TMEM150C: variants seen among roughly 807,000 people sequenced by gnomAD.
TMEM150C encodes the protein tentonin 3.
In TMEM150C, 10 loss-of-function variants were observed where a neutral mutation model predicts 29.9. That is an observed-to-expected ratio of 0.33 (90% CI 0.21 to 0.57). TMEM150C has a LOEUF of 0.57. TMEM150C is among the 20% of genes least tolerant of loss of function. The probability of loss-of-function intolerance (pLI) is 0.88; values close to 1 mark genes in which losing one functional copy is unlikely to be tolerated. For missense variants in TMEM150C, 251 were observed against 303.6 expected (o/e 0.83, Z 1.29); for synonymous variants, 101 against 112.5 (o/e 0.90, Z 0.64).
At chr4:82,524,941 CA>C (rs2110080208) in intron 1 of TMEM150C, among the ~76,000 whole-genome samples, 1 of 152,272 alleles carries the variant, frequency 6.6e-6, no homozygotes, top group East Asian at 1.9e-4. Flanking sequence ...GGTGTGATTA[CA>C]AACTAAATGA....
At position 82,561,770 on chromosome 4, in the gene TMEM150C, G is replaced by C. The variant is rs1725942671; in HGVS notation, c.-11+136C>G. On this transcript the variant is annotated intron_variant, in intron 1 of 7. Transcript: ENST00000449862. The stretch of plus-strand genomic sequence containing the variant: ...CGCAGCCGAGCAGGGCCCCGCAGCC[G>C]GGCGGACCCAGCCGCCCCAGCCGCG... 3.2e-6 allele frequency: 2 copies of C among 618,636 alleles called. 1 individual carries two copies. Among genetic ancestry groups the C allele is most frequent in the South Asian group, 1.4e-4 (2 of 14,358 alleles). The allele number at this position is 618,636 out of a possible 1,614,324, so 38.3% of individuals were successfully genotyped here.
At chr4:82,523,043 T>C (rs1453390764) in intron 1 of TMEM150C, among the ~76,000 whole-genome samples, 1 of 151,972 alleles carries the variant, frequency 6.6e-6, no homozygotes, top group African/African-American at 2.4e-5. Flanking sequence ...TGAAGAATCT[T>C]TGTCAGAGGG....
chr4:82,557,734 C>CTTTTTTTTTTTTT, intron 1 of TMEM150C, among the ~76,000 whole-genome samples: 1 of 131,376 alleles, frequency 7.6e-6, no homozygotes, highest in Non-Finnish European at 1.6e-5. Flanking sequence ...TTTTCTTTTT[C>CTTTTTTTTTTTTT]TTTTTTTTTT....
At chr4:82,549,562 G>A (rs922655543) in intron 1 of TMEM150C, among the ~76,000 whole-genome samples, 9 of 152,228 alleles carry the variant, frequency 5.9e-5, no homozygotes, top group Middle Eastern at 6.8e-3. Context: ...AATATACTTG[G>A]GACTACGGAA....
intron 1 of TMEM150C, among the ~76,000 whole-genome samples, chr4:82,541,615 A>G (rs1364565814): frequency 6.6e-6 from 1 of 152,220 alleles, no homozygotes; most frequent in African/African-American, 2.4e-5. Flanking sequence ...AGATCAGACT[A>G]AATCAGTGAG....
intron 1 of TMEM150C, among the ~76,000 whole-genome samples, chr4:82,536,545 T>A (rs1318680653): frequency 6.6e-6 from 1 of 151,850 alleles, no homozygotes; most frequent in Non-Finnish European, 1.5e-5. Context: ...AATATTTAGC[T>A]AATGTCTGGA....
intron 1 of TMEM150C, among the ~76,000 whole-genome samples, chr4:82,545,538 TGC>T (rs1320060488): frequency 6.6e-6 from 1 of 152,122 alleles, no homozygotes; most frequent in Non-Finnish European, 1.5e-5. Context: ...TGGAAATCCT[TGC>T]CACAGTAATC....
intron 1 of TMEM150C, among the ~76,000 whole-genome samples, chr4:82,533,319 G>C (rs1337562118): frequency 1.3e-5 from 2 of 152,126 alleles, no homozygotes; most frequent in Non-Finnish European, 2.9e-5. Flanking sequence ...TTAGAGAAAA[G>C]CTAATTTTAA....
intron 1 of TMEM150C, among the ~76,000 whole-genome samples, chr4:82,536,333 G>T (rs1399923127): frequency 1.4e-5 from 2 of 144,208 alleles, no homozygotes; most frequent in Admixed American, 7.2e-5. Context: ...ACTCCAGCCT[G>T]GCAACAGAGC....
intron 1 of TMEM150C, among the ~76,000 whole-genome samples, chr4:82,534,179 G>A (rs1030929192): frequency 6.6e-6 from 1 of 152,144 alleles, no homozygotes; most frequent in African/African-American, 2.4e-5. Context: ...ATTTTGCAAC[G>A]TTTATTTTGC....
intron 1 of TMEM150C, among the ~76,000 whole-genome samples, chr4:82,534,009 T>G (rs1173496660): frequency 2.0e-5 from 3 of 152,192 alleles, no homozygotes; most frequent in South Asian, 2.1e-4. Flanking sequence ...TTTTGGTAAC[T>G]GGAGTTCTGC....
At chr4:82,501,078 T>C (rs1244758130) in intron 5 of TMEM150C, among the ~76,000 whole-genome samples, 1 of 152,260 alleles carries the variant, frequency 6.6e-6, no homozygotes, top group African/African-American at 2.4e-5. Flanking sequence ...GGTTCACTCT[T>C]GGGGCTTTGT....
chr4:82,484,029 T>G lies in TMEM150C; in HGVS notation c.*1482A>C, dbSNP rs1398435580. On this transcript the variant is annotated 3_prime_UTR_variant, in exon 8 of 8. Transcript: ENST00000449862. ...CTGGTCTCGAGCTCCCAACCTCAGG[T>G]GATCCGCCCGCCTCAGCCTCCCAAA... is the stretch of plus-strand genomic sequence containing the variant. 6.6e-6 allele frequency: 1 copy of G among 152,028 alleles called. No individual in the cohort carries two copies. The highest frequency in any genetic ancestry group is 1.9e-4 in the East Asian group (1 of 5,174). The allele number at this position is 152,028 out of a possible 1,614,324, so 9.4% of individuals were successfully genotyped here. A position where few individuals can be genotyped will look rare whatever the true frequency, so the allele number is the denominator to read the frequency against.
At chr4:82,519,953 G>A (rs1443948353) in intron 1 of TMEM150C, among the ~76,000 whole-genome samples, 2 of 152,160 alleles carry the variant, frequency 1.3e-5, no homozygotes, top group African/African-American at 4.8e-5. Context: ...TGAAACCGCT[G>A]ATAAAGGAGT....
At chr4:82,515,750 A>AAAG (rs1170974891) in intron 1 of TMEM150C, among the ~76,000 whole-genome samples, 20 of 151,990 alleles carry the variant, frequency 1.3e-4, no homozygotes, top group African/African-American at 2.4e-5. Flanking sequence ...AAAAAAAAAA[A>AAAG]AAGAATCTCT....
chr4:82,503,869 A>T (rs1007244431), intron 2 of TMEM150C, among the ~76,000 whole-genome samples: 3 of 152,114 alleles, frequency 2.0e-5, no homozygotes, highest in Middle Eastern at 3.2e-3. Context: ...CAAAAACAAA[A>T]AACAAAAAAC....
At chr4:82,544,549 C>T (rs568908561) in intron 1 of TMEM150C, among the ~76,000 whole-genome samples, 1 of 152,160 alleles carries the variant, frequency 6.6e-6, no homozygotes, top group Non-Finnish European at 1.5e-5. Flanking sequence ...GAGGCCCAGG[C>T]AGGTGGATTC....
Position 82,532,608 on chromosome 4 carries a change from G to A in TMEM150C, c.-10-27941C>T, listed in dbSNP as rs139428751. Among the ~76,000 whole-genome samples, 1,307 of 152,062 alleles carry A rather than the reference G, an allele frequency of 8.6e-3. 24 individuals carry two copies. The highest frequency in any genetic ancestry group is 0.03 in the African/African-American group (1,233 of 41,466). ...TATGTACTGATGGGGGTATGTGTGT[G>A]TATATATGTATGTATATACATACAT... On this transcript the variant is annotated intron_variant, in intron 1 of 7. Coordinates refer to ENST00000449862, the MANE Select transcript of TMEM150C (RefSeq NM_001080506.3).
rs563353078 is a variant in TMEM150C at position 82,491,293 on chromosome 4, T to G, written c.364-1055A>C. ...TCAGCCTGGGCCAACAGCTTCTGCT[T>G]CTTCTCTTGCTTTGTCTCTGGTCTG... On this transcript the variant is annotated intron_variant, in intron 6 of 7. Coordinates refer to ENST00000449862, the MANE Select transcript of TMEM150C (RefSeq NM_001080506.3). The G allele has an allele frequency of 1.4e-4, 98 of 680,196 alleles. No homozygotes were observed. The South Asian group carries it at 1.5e-3, about 10-fold the overall frequency. 42.1% of individuals were successfully genotyped at this position (680,196 alleles called of 1,614,324 possible). A position where few individuals can be genotyped will look rare whatever the true frequency, so the allele number is the denominator to read the frequency against.
Sources: allele counts gnomAD v4.1 joint callset (sites outside exome capture counted in the v4.1 genomes callset), GRCh38; gene constraint gnomAD v4.1.1; transcripts MANE v1.5; gene names NCBI Gene and HGNC (gene_info 2026-07-23, HGNC 2026-07-21).